The following SGCZ variants were observed in gnomAD, a reference collection of about 807,000 sequenced individuals.
SGCZ encodes sarcoglycan zeta.
In SGCZ, 40 loss-of-function variants were observed where a neutral mutation model predicts 41.3. The ratio of observed to expected loss-of-function variants is 0.97; its 90% confidence interval spans 0.75 to 1.26. SGCZ has a LOEUF of 1.26. Ranked by LOEUF, SGCZ falls within the 50% of genes most tolerant of loss-of-function variation. The probability of loss-of-function intolerance (pLI) is 0.00; values close to 1 mark genes in which losing one functional copy is unlikely to be tolerated. For synonymous variants in SGCZ, 206 were observed against 137.5 expected, an observed-to-expected ratio of 1.50 and a Z score of -3.49; for missense variants, 552 against 369.8, an observed-to-expected ratio of 1.49 and a Z score of -4.04.
intron 5 of SGCZ, among the ~76,000 whole-genome samples, chr8:14,149,711 G>A (rs10089871): frequency 0.37 from 55,816 of 150,238 alleles, 10,534 homozygotes; most frequent in Middle Eastern, 0.5. Context: ...GAAAATCCAG[G>A]ATAGCTAAAG....
At chr8:14,631,680 C>A (rs916825730) in intron 1 of SGCZ, among the ~76,000 whole-genome samples, 1 of 152,076 alleles carries the variant, frequency 6.6e-6, no homozygotes, top group African/African-American at 2.4e-5. Flanking sequence ...AAACGTAACA[C>A]TGACATTGAC....
intron 2 of SGCZ, among the ~76,000 whole-genome samples, chr8:14,342,385 C>T (rs575047870): frequency 2.6e-5 from 4 of 152,074 alleles, no homozygotes; most frequent in Non-Finnish European, 4.4e-5. Context: ...GGCGCTATCT[C>T]GGCTCACTGC....
At chr8:14,675,900 T>G (rs1030256647) in intron 1 of SGCZ, among the ~76,000 whole-genome samples, 2 of 152,178 alleles carry the variant, frequency 1.3e-5, no homozygotes, top group Non-Finnish European at 2.9e-5. Flanking sequence ...GAGACAGGTT[T>G]CAGAGGTCAG....
At chr8:14,201,514 AG>A (rs1805454533) in intron 4 of SGCZ, among the ~76,000 whole-genome samples, 1 of 152,188 alleles carries the variant, frequency 6.6e-6, no homozygotes, top group Non-Finnish European at 1.5e-5. Flanking sequence ...GCTGAGTGAA[AG>A]AAACCACACT....
chr8:14,818,487 C>A (rs890691414), intron 1 of SGCZ, among the ~76,000 whole-genome samples: 3 of 152,082 alleles, frequency 2.0e-5, no homozygotes, highest in East Asian at 1.9e-4. Flanking sequence ...TCTTCCCCTA[C>A]AAAAGTTATA....
chr8:14,380,337 A>G (rs1360826523), intron 2 of SGCZ, among the ~76,000 whole-genome samples: 1 of 152,178 alleles, frequency 6.6e-6, no homozygotes, highest in Admixed American at 6.5e-5. Context: ...AATCAATATT[A>G]GATAATCACC....
At chr8:14,782,760 T>C (rs1315356194) in intron 1 of SGCZ, among the ~76,000 whole-genome samples, 2 of 152,150 alleles carry the variant, frequency 1.3e-5, no homozygotes, top group African/African-American at 4.8e-5. Flanking sequence ...TACCCATGAA[T>C]CCTACCCTAT....
At chr8:14,407,228 C>G (rs1799236665) in intron 2 of SGCZ, among the ~76,000 whole-genome samples, 1 of 151,866 alleles carries the variant, frequency 6.6e-6, no homozygotes, top group Non-Finnish European at 1.5e-5. Flanking sequence ...GCCACCATGC[C>G]CAGCTAATTT....
chr8:14,639,733 C>T (rs1019287742), intron 1 of SGCZ, among the ~76,000 whole-genome samples: 54 of 151,212 alleles, frequency 3.6e-4, no homozygotes, highest in African/African-American at 1.2e-3. Flanking sequence ...AGAATAAAAC[C>T]GATAAGGACT....
intron 1 of SGCZ, among the ~76,000 whole-genome samples, chr8:14,946,865 G>A (rs1172362573): frequency 6.6e-6 from 1 of 151,732 alleles, no homozygotes; most frequent in Non-Finnish European, 1.5e-5. Flanking sequence ...TAGTAGAGAC[G>A]GGGTTTCACC....
Position 14,319,022 on chromosome 8 carries a change from G to A in SGCZ, c.336+5081C>T, listed in dbSNP as rs183738874. Among the ~76,000 whole-genome samples, 214 of 151,846 alleles carry A rather than the reference G, an allele frequency of 1.4e-3. 1 individual carries two copies. The highest frequency in any genetic ancestry group is 2.0e-3 in the Admixed American group (31 of 15,194). On this transcript the variant is annotated intron_variant, in intron 3 of 7. Transcript: ENST00000382080. The stretch of plus-strand genomic sequence containing the variant: ...TGAATGGAATCGTAGAAAAACTCTA[G>A]ATGACAGTCACTTGTATTTAGAGGA...
At chr8:14,687,300 C>A (rs111390229) in intron 1 of SGCZ, among the ~76,000 whole-genome samples, 199 of 150,640 alleles carry the variant, frequency 1.3e-3, no homozygotes, top group African/African-American at 4.6e-3. Context: ...CCCATTAACT[C>A]GTCATTTAGC....
chr8:14,341,327 A>G (rs1802696500), intron 2 of SGCZ, among the ~76,000 whole-genome samples: 1 of 152,170 alleles, frequency 6.6e-6, no homozygotes, highest in Admixed American at 6.5e-5. Flanking sequence ...TTTTACATTC[A>G]ATATTTTGCG....
chr8:14,604,554 G>A (rs766843049), intron 1 of SGCZ, among the ~76,000 whole-genome samples: 6 of 152,056 alleles, frequency 3.9e-5, no homozygotes, highest in Non-Finnish European at 8.8e-5. Flanking sequence ...CTTTTAGAAG[G>A]CTTGTTTACT....
At chr8:14,763,744 G>A (rs1277135378) in intron 1 of SGCZ, among the ~76,000 whole-genome samples, 1 of 152,108 alleles carries the variant, frequency 6.6e-6, no homozygotes, top group East Asian at 1.9e-4. Context: ...AACCATGAAA[G>A]AGTTACTTGT....
chr8:14,503,352 G>A (rs950124762), intron 2 of SGCZ, among the ~76,000 whole-genome samples: 1 of 152,084 alleles, frequency 6.6e-6, no homozygotes, highest in African/African-American at 2.4e-5. Context: ...CGTAGATGAT[G>A]GGTTGATGAG....
intron 1 of SGCZ, among the ~76,000 whole-genome samples, chr8:14,985,405 C>T (rs1801797254): frequency 6.6e-6 from 1 of 152,152 alleles, no homozygotes; most frequent in Non-Finnish European, 1.5e-5. Flanking sequence ...CTGTTTCCTA[C>T]ACTCAAATAA....
intron 2 of SGCZ, among the ~76,000 whole-genome samples, chr8:14,522,855 G>A (rs1001738747): frequency 2.6e-5 from 4 of 151,564 alleles, no homozygotes; most frequent in Admixed American, 2.0e-4. Flanking sequence ...TAGTCACTTA[G>A]TATTATAAAT....
At chr8:14,551,843 T>G (rs919266476) in intron 2 of SGCZ, among the ~76,000 whole-genome samples, 2 of 142,054 alleles carry the variant, frequency 1.4e-5, no homozygotes, top group Non-Finnish European at 3.0e-5. Flanking sequence ...CACAAGGGCA[T>G]ATCAATCATA....
Sources: gnomAD v4.1 joint callset for allele counts (sites outside exome capture counted in the v4.1 genomes callset) on GRCh38, gnomAD v4.1.1 for gene constraint, MANE v1.5 for transcripts, NCBI Gene and HGNC (gene_info 2026-07-23, HGNC 2026-07-21) for gene names.